TNNI3K: variants seen among roughly 807,000 people sequenced by gnomAD.
TNNI3K encodes the protein TNNI3 interacting kinase.
In TNNI3K, 140 loss-of-function variants were observed where a neutral mutation model predicts 114.5. The observed-to-expected ratio is 1.22, with a 90% CI of 1.07 to 1.41. The LOEUF (loss-of-function observed/expected upper bound fraction) is 1.41. TNNI3K is among the 40% of genes most tolerant of loss of function. The pLI is 0.00. For missense variants in TNNI3K, 1,125 were observed against 1,007.6 expected (o/e 1.12, Z -1.58); for synonymous variants, 347 against 347.5 (o/e 1.00, Z 0.02).
intron 23 of TNNI3K, among the ~76,000 whole-genome samples, chr1:74,521,173 G>A (rs979687495): frequency 2.6e-5 from 4 of 152,202 alleles, no homozygotes; most frequent in African/African-American, 9.6e-5. Context: ...TGGAGGTTGT[G>A]TATTGTAGTT....
chr1:74,434,524 T>C (rs1666038230), intron 17 of TNNI3K, among the ~76,000 whole-genome samples: 1 of 151,904 alleles, frequency 6.6e-6, no homozygotes, highest in Non-Finnish European at 1.5e-5. Context: ...CTGACTGTTC[T>C]TCAAAGCCCA....
intron 4 of TNNI3K, among the ~76,000 whole-genome samples, chr1:74,257,418 T>G (rs887458121): frequency 7.2e-5 from 11 of 152,164 alleles, no homozygotes; most frequent in Non-Finnish European, 1.2e-4. Context: ...GGGCACATTT[T>G]TCTGTTTCTT....
chr1:74,375,330 A>C (rs1662852145), intron 17 of TNNI3K: 1 of 203,606 alleles, frequency 4.9e-6, no homozygotes, highest in Non-Finnish European at 1.1e-5. Flanking sequence ...ATAGGCCAAA[A>C]TAACTTTGGG....
chr1:74,526,881 G>A (rs962593725), intron 23 of TNNI3K, among the ~76,000 whole-genome samples: 4 of 152,154 alleles, frequency 2.6e-5, no homozygotes, highest in Admixed American at 1.3e-4. Context: ...TTTCTGTAAA[G>A]TTTTATTGGA....
chr1:74,412,696 C>A (rs1311766924), intron 17 of TNNI3K, among the ~76,000 whole-genome samples: 1 of 152,140 alleles, frequency 6.6e-6, no homozygotes, highest in Non-Finnish European at 1.5e-5. Flanking sequence ...TTCACTGGAA[C>A]CTCCCCCTCC....
chr1:74,274,398 G>A (rs1656541625), intron 5 of TNNI3K, among the ~76,000 whole-genome samples: 1 of 151,762 alleles, frequency 6.6e-6, no homozygotes, highest in South Asian at 2.1e-4. Context: ...TTGTTCAAGG[G>A]TCAACTATAA....
intron 12 of TNNI3K, among the ~76,000 whole-genome samples, chr1:74,367,706 T>C (rs976250857): frequency 6.6e-6 from 1 of 152,006 alleles, no homozygotes; most frequent in Non-Finnish European, 1.5e-5. Flanking sequence ...TAGAGTCTGC[T>C]ACAACTTGGA....
In TNNI3K at chr1:74,370,302, A is replaced by C; in HGVS notation, c.1682A>C (p.Gln561Pro). 1 of 1,593,678 alleles carries C rather than the reference A, an allele frequency of 6.3e-7. No individual in the cohort carries two copies. Among genetic ancestry groups the C allele is most frequent in the Non-Finnish European group, 8.6e-7 (1 of 1,169,144 alleles). ...LHEQKRILDL[Q>P]SKLIIAVDVA... ...TTAAATTCTAGGATTCTTGATTTGC[A>C]GTCTAAATTAATTATTGCAGTAGAT... is the stretch of plus-strand genomic sequence containing the variant. Residue 561 changes from glutamine to proline, a missense_variant, in exon 17 of 25, where the codon CAG becomes CCG. Physicochemically the swap from Gln to Pro is moderately conservative, Grantham distance 76. Transcript: ENST00000326637.
At chr1:74,256,311 T>A (rs1166124089) in intron 4 of TNNI3K, among the ~76,000 whole-genome samples, 1 of 142,006 alleles carries the variant, frequency 7.0e-6, no homozygotes, top group African/African-American at 2.7e-5. Context: ...TTTTTTTTTT[T>A]TTTTTGGCTA....
intron 10 of TNNI3K, among the ~76,000 whole-genome samples, 187 bp downstream of exon 10, chr1:74,353,547 T>C (rs536941725): frequency 6.6e-5 from 10 of 152,134 alleles, no homozygotes; most frequent in African/African-American, 2.4e-4. Flanking sequence ...TTTTGGTCAA[T>C]TTTATTATTG....
chr1:74,337,092 G>C (rs1013962109), intron 7 of TNNI3K, among the ~76,000 whole-genome samples: 12 of 151,244 alleles, frequency 7.9e-5, no homozygotes, highest in African/African-American at 2.9e-4. Context: ...GCATTTCTCT[G>C]ATGGCCAGTG....
chr1:74,299,322 A>G (rs572923690), intron 5 of TNNI3K, among the ~76,000 whole-genome samples: 10 of 152,256 alleles, frequency 6.6e-5, no homozygotes, highest in African/African-American at 2.4e-4. Context: ...AGTATACATG[A>G]GTGTAATCCT....
At chr1:74,508,129 T>G (rs1670000562) in intron 23 of TNNI3K, among the ~76,000 whole-genome samples, 1 of 152,262 alleles carries the variant, frequency 6.6e-6, no homozygotes, top group African/African-American at 2.4e-5. Context: ...TGTGGATAGC[T>G]TCTTGCAAAA....
chr1:74,439,375 A>G (rs888610000), intron 19 of TNNI3K, 115 bp from the exon 20 acceptor site: 3 of 1,470,814 alleles, frequency 2.0e-6, no homozygotes, highest in Non-Finnish European at 2.7e-6. Flanking sequence ...ATTTATATTT[A>G]TGCCTTTTGA....
At chr1:74,413,964 A>G (rs1361351113) in intron 17 of TNNI3K, among the ~76,000 whole-genome samples, 2 of 152,190 alleles carry the variant, frequency 1.3e-5, no homozygotes, top group Non-Finnish European at 2.9e-5. Flanking sequence ...CACAACGAGT[A>G]CATCATTTTC....
intron 5 of TNNI3K, among the ~76,000 whole-genome samples, chr1:74,309,276 G>A (rs1003856529): frequency 2.2e-4 from 32 of 142,706 alleles, no homozygotes; most frequent in Admixed American, 7.2e-5. Context: ...GCTGAGGCAG[G>A]AGAATGGCGT....
chr1:74,409,274 A>G (rs1333333558), intron 17 of TNNI3K, among the ~76,000 whole-genome samples: 1 of 152,048 alleles, frequency 6.6e-6, no homozygotes, highest in Admixed American at 6.6e-5. Context: ...ACAGAGCCCA[A>G]ACTCCCCGCT....
In TNNI3K at chr1:74,536,480, T is replaced by G. The variant is rs527658209; in HGVS notation, c.2352-3754T>G. 2.0e-5 allele frequency among the ~76,000 whole-genome samples: 3 copies of G among 152,302 alleles called. No individual in the cohort carries two copies. In the South Asian group the frequency reaches 6.2e-4, roughly 32 times the overall value. On this transcript the variant is annotated intron_variant, in intron 23 of 24. Transcript: ENST00000326637. ...TTCTGTTCTTAATTTTAATAAATTA[T>G]TCATATCCTAATGCACCTTTATAAA...
At chr1:74,296,686 T>A (rs932299870) in intron 5 of TNNI3K, among the ~76,000 whole-genome samples, 2 of 152,194 alleles carry the variant, frequency 1.3e-5, no homozygotes, top group Non-Finnish European at 1.5e-5. Flanking sequence ...TTGAAGGATA[T>A]TTTTAGTGGT....
Sources: allele counts gnomAD v4.1 joint callset (sites outside exome capture counted in the v4.1 genomes callset), GRCh38; gene constraint gnomAD v4.1.1; transcripts MANE v1.5; gene names NCBI Gene and HGNC (gene_info 2026-07-23, HGNC 2026-07-21).